The following PAM variants were observed in gnomAD, a reference collection of about 807,000 sequenced individuals.
The protein encoded by PAM is peptidylglycine alpha-amidating monooxygenase.
Under a neutral mutation model 122.1 loss-of-function variants are expected in PAM, and 72 were observed. That is an observed-to-expected ratio of 0.59 (90% CI 0.49 to 0.72). PAM has a LOEUF of 0.72. Ranked by LOEUF, PAM falls within the 30% of genes least tolerant of loss-of-function variation. The pLI is 0.00. For missense variants in PAM, 1,106 were observed against 1,183.7 expected, an observed-to-expected ratio of 0.93 and a Z score of 0.96; for synonymous variants, 389 against 404.4, an observed-to-expected ratio of 0.96 and a Z score of 0.46.
intron 6 of PAM, among the ~76,000 whole-genome samples, chr5:102,925,884 A>G (rs1408850147): frequency 1.3e-5 from 2 of 152,186 alleles, no homozygotes; most frequent in African/African-American, 4.8e-5. Flanking sequence ...GAATATTCAG[A>G]TTCCAAAAAA....
At chr5:102,802,160 T>C (rs1764958497) in intron 1 of PAM, among the ~76,000 whole-genome samples, 1 of 152,112 alleles carries the variant, frequency 6.6e-6, no homozygotes, top group South Asian at 2.1e-4. Context: ...TTAGAAAAAG[T>C]ATATTAGAAC....
chr5:102,841,454 A>G (rs1456572219), intron 1 of PAM, among the ~76,000 whole-genome samples: 1 of 148,188 alleles, frequency 6.7e-6, no homozygotes, highest in African/African-American at 2.5e-5. Context: ...CAAAGTAGTT[A>G]TCAGAACATG....
chr5:102,897,863 C>A (rs1403368190), intron 3 of PAM, among the ~76,000 whole-genome samples: 2 of 151,586 alleles, frequency 1.3e-5, no homozygotes, highest in East Asian at 3.9e-4. Context: ...TTTATGTGAA[C>A]AGTTTTCATA....
intron 1 of PAM, among the ~76,000 whole-genome samples, chr5:102,829,974 C>G (rs1774952214): frequency 6.6e-6 from 1 of 151,986 alleles, no homozygotes; most frequent in African/African-American, 2.4e-5. Context: ...TTTTCTGGGC[C>G]CTAGAGTCAT....
chr5:102,983,077 A>G (rs1441615841), intron 15 of PAM, among the ~76,000 whole-genome samples: 1 of 152,082 alleles, frequency 6.6e-6, no homozygotes, highest in Admixed American at 6.5e-5. Flanking sequence ...GAAATAAAAA[A>G]TACAGTTGAG....
intron 1 of PAM, among the ~76,000 whole-genome samples, chr5:102,767,861 A>G (rs1561389684): frequency 1.3e-5 from 2 of 152,148 alleles, no homozygotes; most frequent in Non-Finnish European, 2.9e-5. Context: ...GTGTACTCTC[A>G]AGTAGATGTT....
At chr5:102,803,952 G>A (rs1043896469) in intron 1 of PAM, among the ~76,000 whole-genome samples, 4 of 152,086 alleles carry the variant, frequency 2.6e-5, no homozygotes, top group African/African-American at 9.7e-5. Context: ...TTCTGAGAGG[G>A]AGCTGACTTC....
chr5:102,962,798 A>G (rs1438756733), intron 14 of PAM, among the ~76,000 whole-genome samples: 1 of 151,808 alleles, frequency 6.6e-6, no homozygotes, highest in Admixed American at 6.6e-5. Context: ...ATACTTTCAT[A>G]CCTTGCCATT....
chr5:102,947,853 G>T (rs1434248489), intron 8 of PAM, among the ~76,000 whole-genome samples: 1 of 152,004 alleles, frequency 6.6e-6, no homozygotes, highest in African/African-American at 2.4e-5. Flanking sequence ...AAGAGTTGTT[G>T]TAAGGGATTG....
At position 102,925,134 on chromosome 5, in the gene PAM, G is replaced by A. The variant is rs576443029; in HGVS notation, c.442+92G>A. On this transcript the variant is annotated intron_variant, in intron 6 of 25. Coordinates refer to ENST00000438793, the MANE Select transcript of PAM (RefSeq NM_001177306.2). ...ATTATAGTCCTTTCTAACCAGTGTTGACAGTGTTCTGTATTGCTGCTTCAC... is the reference window on the plus strand; with the variant it reads ...ATTATAGTCCTTTCTAACCAGTGTTAACAGTGTTCTGTATTGCTGCTTCAC... 272 of 773,778 alleles carry A rather than the reference G, an allele frequency of 3.5e-4. 2 individuals carry two copies. The South Asian group carries it at 3.7e-3, about 11-fold the overall frequency. The allele number at this position is 773,778 out of a possible 1,614,324, so 47.9% of individuals were successfully genotyped here.
At chr5:102,920,217 G>T (rs575055592) in intron 5 of PAM, among the ~76,000 whole-genome samples, 2 of 151,946 alleles carry the variant, frequency 1.3e-5, no homozygotes, top group Non-Finnish European at 2.9e-5. Context: ...GGGTAGATGA[G>T]GTAATATAAG....
At chr5:102,881,959 C>T (rs1721217146) in intron 3 of PAM, among the ~76,000 whole-genome samples, 1 of 148,614 alleles carries the variant, frequency 6.7e-6, no homozygotes, top group Non-Finnish European at 1.5e-5. Context: ...TCCTTAGTTA[C>T]TTCACTTGGA....
chr5:103,002,990 A>G lies in PAM; in HGVS notation c.1614-43A>G, dbSNP rs778901384. On this transcript the variant is annotated intron_variant, in intron 16 of 25. Transcript: ENST00000438793. Reference sequence around the variant, plus strand: ...GGTCTGCATTTCTCAATTTCATTGGAATTTATGATTGTTTCATGTCCTATT... The same window carrying G: ...GGTCTGCATTTCTCAATTTCATTGGGATTTATGATTGTTTCATGTCCTATT... 15 of 886,282 alleles carry G rather than the reference A, an allele frequency of 1.7e-5. No individual in the cohort carries two copies. In the Admixed American group the frequency reaches 2.7e-4, roughly 16 times the overall value. 54.9% of individuals were successfully genotyped at this position (886,282 alleles called of 1,614,324 possible).
chr5:102,828,651 T>C (rs1031733625), intron 1 of PAM, among the ~76,000 whole-genome samples: 3 of 152,194 alleles, frequency 2.0e-5, no homozygotes, highest in African/African-American at 7.2e-5. Flanking sequence ...CATCTAACAG[T>C]CTCTGGCATA....
intron 12 of PAM, among the ~76,000 whole-genome samples, chr5:102,954,500 T>C (rs1232526650): frequency 6.6e-6 from 1 of 151,042 alleles, no homozygotes; most frequent in African/African-American, 2.4e-5. Context: ...TAAATATACT[T>C]AATGGTAAAA....
intron 23 of PAM, 111 bp from the exon 24 acceptor site, chr5:103,025,020 G>A (rs188782370): frequency 1.2e-4 from 82 of 710,562 alleles, no homozygotes; most frequent in Middle Eastern, 3.9e-4. Flanking sequence ...CTGTACACTG[G>A]AGTCAACAAG....
At chr5:102,822,935 C>T (rs180913351) in intron 1 of PAM, among the ~76,000 whole-genome samples, 1 of 152,238 alleles carries the variant, frequency 6.6e-6, no homozygotes, top group Admixed American at 6.5e-5. Flanking sequence ...AGTCCATGGC[C>T]CTCCCCCACC....
chr5:102,836,093 G>T (rs926505857), intron 1 of PAM, among the ~76,000 whole-genome samples: 2 of 152,184 alleles, frequency 1.3e-5, no homozygotes, highest in Non-Finnish European at 2.9e-5. Flanking sequence ...GCAGATTAAT[G>T]TAGAGATGTT....
chr5:103,017,000 A>C (rs1331255058), intron 21 of PAM, among the ~76,000 whole-genome samples: 1 of 152,182 alleles, frequency 6.6e-6, no homozygotes, highest in Non-Finnish European at 1.5e-5. Flanking sequence ...AAACCAATAT[A>C]AATAACTAGA....
Sources: allele counts gnomAD v4.1 joint callset (sites outside exome capture counted in the v4.1 genomes callset), GRCh38; gene constraint gnomAD v4.1.1; transcripts MANE v1.5; gene names NCBI Gene and HGNC (gene_info 2026-07-23, HGNC 2026-07-21).